Variants in CACNA2D3 observed in about 807,000 individuals in gnomAD.
CACNA2D3 encodes voltage-dependent calcium channel subunit alpha-2/delta-3.
In CACNA2D3, 60 loss-of-function variants were observed where a neutral mutation model predicts 160.6. The ratio of observed to expected loss-of-function variants is 0.37; its 90% CI spans 0.30 to 0.46. The LOEUF (loss-of-function observed/expected upper bound fraction) is 0.46, where lower values mean the gene tolerates loss of function less well. Ranked by LOEUF, CACNA2D3 falls within the 20% of genes least tolerant of loss-of-function variation. The probability of loss-of-function intolerance (pLI) is 1.00; values close to 1 mark genes in which losing one functional copy is unlikely to be tolerated. For synonymous variants in CACNA2D3, 558 were observed against 492.9 expected (o/e 1.13, Z -1.75); for missense variants, 1,205 against 1,365.0 (o/e 0.88, Z 1.85).
intron 2 of CACNA2D3, among the ~76,000 whole-genome samples, chr3:54,127,782 C>G (rs1190577235): frequency 1.3e-5 from 2 of 152,160 alleles, no homozygotes; most frequent in African/African-American, 4.8e-5. Flanking sequence ...ACACAATCAC[C>G]CAGACAGTAG....
In CACNA2D3 at chr3:54,993,444, G is replaced by T. The variant is rs1041055712; in HGVS notation, c.2690+5691G>T. The stretch of plus-strand genomic sequence containing the variant: ...CGGAGCTGGGCACCAACCTGGACAT[G>T]AAGTGCCATTTGTTACATGAGAAGC... On this transcript the variant is annotated intron_variant, in intron 31 of 37. Coordinates refer to ENST00000474759, the MANE Select transcript of CACNA2D3 (RefSeq NM_018398.3). 8.5e-5 allele frequency among the ~76,000 whole-genome samples: 13 copies of T among 152,196 alleles called. 1 individual carries two copies. Among genetic ancestry groups the T allele is most frequent in the Admixed American group, 8.5e-4 (13 of 15,286 alleles).
chr3:54,814,902 G>A (rs1363780395), intron 13 of CACNA2D3, among the ~76,000 whole-genome samples: 1 of 152,168 alleles, frequency 6.6e-6, no homozygotes, highest in Non-Finnish European at 1.5e-5. Flanking sequence ...TATTTATTTT[G>A]CAGTCCATCA....
chr3:54,165,438 C>A (rs1163021963), intron 2 of CACNA2D3, among the ~76,000 whole-genome samples: 3 of 151,858 alleles, frequency 2.0e-5, no homozygotes, highest in Non-Finnish European at 4.4e-5. Flanking sequence ...TTCAACAGGG[C>A]CCTCTGCTCC....
chr3:55,009,438 C>T lies in CACNA2D3; in HGVS notation c.2870C>T (p.Ala957Val), dbSNP rs778870788. The change falls in exon 34 of 38, where the codon GCT becomes GTT. Residue 957 changes from alanine to valine, a missense_variant. Ala to Val is a moderately conservative substitution (Grantham distance 64). Coordinates refer to ENST00000474759, the MANE Select transcript of CACNA2D3 (RefSeq NM_018398.3). Reference protein sequence around the residue: ...LCSWWHSDMTAKAQKLKQTLE... With the variant: ...LCSWWHSDMTVKAQKLKQTLE... ...AGTTGGTGGCACTCCGATATGACAG[C>T]TAAAGGTGAGCAGCAACTGGTTTCT... 7 of 1,613,686 alleles carry T rather than the reference C, an allele frequency of 4.3e-6. No individual in the cohort carries two copies. In the South Asian group the frequency reaches 7.7e-5, roughly 18 times the overall value.
At chr3:54,173,168 C>CA (rs1700608700) in intron 2 of CACNA2D3, among the ~76,000 whole-genome samples, 1 of 152,216 alleles carries the variant, frequency 6.6e-6, no homozygotes, top group Non-Finnish European at 1.5e-5. Flanking sequence ...CATGAAGTCT[C>CA]AGAGTGGAGA....
chr3:54,884,997 C>A (rs1448623747), intron 21 of CACNA2D3, among the ~76,000 whole-genome samples: 1 of 152,140 alleles, frequency 6.6e-6, no homozygotes, highest in Non-Finnish European at 1.5e-5. Context: ...CCTCCGGACT[C>A]ATTTGTGTAT....
rs61554669 is a variant in CACNA2D3 at position 54,592,875 on chromosome 3, T to G, written c.963+10998T>G. 7.9e-3 allele frequency among the ~76,000 whole-genome samples: 1,201 copies of G among 152,320 alleles called. 18 individuals carry two copies. The highest frequency in any genetic ancestry group is 0.027 in the African/African-American group (1,143 of 41,564). On this transcript the variant is annotated intron_variant, in intron 9 of 37. Coordinates refer to ENST00000474759, the MANE Select transcript of CACNA2D3 (RefSeq NM_018398.3). ...AGAGTTGCTGGATTTTCCCCAGTAC[T>G]TTTCTTTCAGCCTGAGATTTGTCAA...
intron 3 of CACNA2D3, among the ~76,000 whole-genome samples, chr3:54,384,210 T>A (rs536370947): frequency 1.3e-4 from 20 of 152,336 alleles, no homozygotes. Context: ...TATCAACTTT[T>A]TTTCTCTAGA....
At chr3:54,250,167 G>A (rs1018746453) in intron 2 of CACNA2D3, among the ~76,000 whole-genome samples, 2 of 152,100 alleles carry the variant, frequency 1.3e-5, no homozygotes, top group Admixed American at 6.5e-5. Context: ...TACATGCTGG[G>A]ATTTCCAGGC....
At chr3:54,932,353 G>A (rs527350293) in intron 27 of CACNA2D3, among the ~76,000 whole-genome samples, 15 of 148,128 alleles carry the variant, frequency 1.0e-4, no homozygotes, top group African/African-American at 2.9e-4. Context: ...CTATAAATAC[G>A]CGTTGGTTTG....
At chr3:54,990,901 C>T (rs1351029853) in intron 31 of CACNA2D3, among the ~76,000 whole-genome samples, 1 of 152,182 alleles carries the variant, frequency 6.6e-6, no homozygotes, top group Non-Finnish European at 1.5e-5. Flanking sequence ...CTCACAGCAG[C>T]GTGTGAAACA....
intron 3 of CACNA2D3, among the ~76,000 whole-genome samples, chr3:54,320,977 T>C (rs1006602561): frequency 2.0e-5 from 3 of 152,218 alleles, no homozygotes; most frequent in South Asian, 2.1e-4. Flanking sequence ...TATGAGTGTG[T>C]CATAATTGAT....
chr3:54,959,153 A>G (rs186213759), intron 27 of CACNA2D3, among the ~76,000 whole-genome samples: 141 of 152,274 alleles, frequency 9.3e-4, no homozygotes, highest in Middle Eastern at 3.4e-3. Context: ...CAGTTTTTCA[A>G]ATGAACTGTC....
chr3:54,415,193 A>T (rs1474642995), intron 4 of CACNA2D3, among the ~76,000 whole-genome samples: 5 of 152,100 alleles, frequency 3.3e-5, no homozygotes, highest in African/African-American at 1.2e-4. Flanking sequence ...TCATTGGCAG[A>T]CCCCAGAAAT....
At chr3:54,925,555 A>G (rs908667597) in intron 27 of CACNA2D3, among the ~76,000 whole-genome samples, 1 of 152,240 alleles carries the variant, frequency 6.6e-6, no homozygotes, top group Non-Finnish European at 1.5e-5. Context: ...GTAGGCCACA[A>G]CAGAATTATT....
At chr3:54,305,907 A>G (rs796286542) in intron 2 of CACNA2D3, among the ~76,000 whole-genome samples, 9 of 152,298 alleles carry the variant, frequency 5.9e-5, no homozygotes, top group African/African-American at 2.2e-4. Context: ...GTCATGGTTG[A>G]TGTGGATATC....
rs186151281 is a variant in CACNA2D3, at chr3:54,237,710, G to A, written c.205-82732G>A. On this transcript the variant is annotated intron_variant, in intron 2 of 37. Coordinates refer to ENST00000474759, the MANE Select transcript of CACNA2D3 (RefSeq NM_018398.3). ...ATTTACCCAGATTGAAAATCCAAGT[G>A]CTTCTGTTGTCAGCATGGGCTGCAC... 7.7e-3 allele frequency among the ~76,000 whole-genome samples: 1,178 copies of A among 152,164 alleles called. 9 individuals are homozygous for A. The highest frequency in any genetic ancestry group is 9.6e-3 in the Non-Finnish European group (655 of 67,996).
At chr3:54,833,161 A>G (rs774553943) in intron 14 of CACNA2D3, among the ~76,000 whole-genome samples, 10 of 152,218 alleles carry the variant, frequency 6.6e-5, no homozygotes, top group Admixed American at 1.3e-4. Flanking sequence ...ATTATTATTC[A>G]TCATTTCCTT....
chr3:54,904,194 T>C (rs1700403687), intron 27 of CACNA2D3, among the ~76,000 whole-genome samples: 1 of 152,194 alleles, frequency 6.6e-6, no homozygotes. Flanking sequence ...AACTTACTTA[T>C]TGTTGACTTG....
Sources: allele counts gnomAD v4.1 joint callset (sites outside exome capture counted in the v4.1 genomes callset), GRCh38; gene constraint gnomAD v4.1.1; transcripts MANE v1.5; gene names NCBI Gene and HGNC (gene_info 2026-07-23, HGNC 2026-07-21).